Variants in TMEM272 observed in about 807,000 individuals in gnomAD.
TMEM272 encodes the protein transmembrane protein 272.
TMEM272 carries 8 observed loss-of-function variants against 3.7 expected under a neutral mutation model. The ratio of observed to expected loss-of-function variants is 2.17; its 90% CI spans 1.27 to 3.91. TMEM272 has a LOEUF of 3.91. TMEM272 is among the 30% of genes most tolerant of loss of function. The pLI is 0.00. For synonymous variants in TMEM272, 63 were observed against 39.8 expected (o/e 1.58, Z -2.20); for missense variants, 166 against 91.5 (o/e 1.81, Z -3.32).
chr13:51,922,290 C>A, the TMEM272 span, among the ~76,000 whole-genome samples: 1 of 152,230 alleles, frequency 6.6e-6, no homozygotes, highest in Admixed American at 6.5e-5. Context: ...ACTAGTGATT[C>A]CCAAATGCGC....
chr13:51,887,446 T>C, the TMEM272 span, among the ~76,000 whole-genome samples: 1 of 152,214 alleles, frequency 6.6e-6, no homozygotes, highest in African/African-American at 2.4e-5. Context: ...TTAGGATTTG[T>C]TAAAAATAAA....
At chr13:51,849,845 A>G (rs1372901991), upstream of TMEM272, among the ~76,000 whole-genome samples, 6 of 152,074 alleles carry the variant, frequency 3.9e-5, no homozygotes, top group African/African-American at 1.4e-4. Context: ...GCACAACGCC[A>G]CCTACTGGCG....
the TMEM272 span, among the ~76,000 whole-genome samples, chr13:51,889,644 T>TGGG: frequency 6.7e-6 from 1 of 149,578 alleles, no homozygotes; most frequent in African/African-American, 2.5e-5. Flanking sequence ...GTGGGGGGGT[T>TGGG]TTGTTTGTTT....
the TMEM272 span, among the ~76,000 whole-genome samples, chr13:51,917,749 T>C: frequency 6.6e-6 from 1 of 152,178 alleles, no homozygotes; most frequent in Non-Finnish European, 1.5e-5. Flanking sequence ...TGATGGGGCT[T>C]AAACGAGATG....
chr13:51,868,458 A>G, the TMEM272 span, among the ~76,000 whole-genome samples: 1 of 152,280 alleles, frequency 6.6e-6, no homozygotes, highest in East Asian at 1.9e-4. Context: ...TGTACAACTA[A>G]TATCTGGGAA....
intron 4 of TMEM272, 53 bp from the exon 5 acceptor site, chr13:51,817,166 G>C (rs2139543399): frequency 1.5e-6 from 1 of 670,380 alleles, no homozygotes; most frequent in South Asian, 1.6e-5. Flanking sequence ...AAATAGACGG[G>C]AAGAGAGGGG....
At chr13:51,857,390 T>C in the TMEM272 span, among the ~76,000 whole-genome samples, 1 of 151,862 alleles carries the variant, frequency 6.6e-6, no homozygotes, top group East Asian at 1.9e-4. Flanking sequence ...ATGAAGAGCA[T>C]GAAAAAAGGT....
chr13:51,817,465 C>T (rs998822320), intron 4 of TMEM272, among the ~76,000 whole-genome samples: 2 of 152,186 alleles, frequency 1.3e-5, no homozygotes, highest in African/African-American at 4.8e-5. Context: ...TGTGCTAGCA[C>T]ATTTGCACCC....
At chr13:51,828,225 T>C (rs994255388) in intron 2 of TMEM272, among the ~76,000 whole-genome samples, 3 of 152,228 alleles carry the variant, frequency 2.0e-5, no homozygotes, top group African/African-American at 7.2e-5. Context: ...TCTGTATTTA[T>C]ACAGAGCCCA....
chr13:51,849,886 G>T (rs934496319), upstream of TMEM272, among the ~76,000 whole-genome samples: 1 of 152,160 alleles, frequency 6.6e-6, no homozygotes, highest in Non-Finnish European at 1.5e-5. Context: ...ATCGCTTCCT[G>T]CCGTCTGTGG....
At chr13:51,819,326 C>A (rs896106096) in intron 4 of TMEM272, among the ~76,000 whole-genome samples, 10 of 152,326 alleles carry the variant, frequency 6.6e-5, no homozygotes, top group African/African-American at 2.2e-4. Context: ...CACCAGCTCG[C>A]TGTTTCCTCA....
the TMEM272 span, among the ~76,000 whole-genome samples, chr13:51,862,901 G>A: frequency 5.3e-5 from 8 of 152,164 alleles, no homozygotes; most frequent in East Asian, 3.8e-4. Flanking sequence ...CTATATAGGC[G>A]GCGTTATATT....
chr13:51,857,626 A>C, the TMEM272 span, among the ~76,000 whole-genome samples: 1 of 152,156 alleles, frequency 6.6e-6, no homozygotes, highest in Admixed American at 6.5e-5. Flanking sequence ...ATAATTGCTA[A>C]AAGAATATAT....
At chr13:51,925,670 G>A in the TMEM272 span, among the ~76,000 whole-genome samples, 158 of 152,158 alleles carry the variant, frequency 1.0e-3, no homozygotes, top group African/African-American at 3.7e-3. Flanking sequence ...TCCTCCCACA[G>A]CTTGCCAAGG....
the TMEM272 span, among the ~76,000 whole-genome samples, chr13:51,889,385 G>C: frequency 6.2e-3 from 949 of 152,240 alleles, 12 homozygotes; most frequent in African/African-American, 0.022. Context: ...GAGGTCATAA[G>C]GGTGAGACCC....
chr13:51,934,200 G>C, the TMEM272 span: 1 of 188,532 alleles, frequency 5.3e-6, no homozygotes, highest in Non-Finnish European at 1.1e-5. Context: ...GTTGCGAGGG[G>C]TCCCCACTGA....
At chr13:51,851,541 T>C in the TMEM272 span, among the ~76,000 whole-genome samples, 1 of 124,546 alleles carries the variant, frequency 8.0e-6, no homozygotes, top group East Asian at 2.5e-4. Flanking sequence ...TTTTTTTTTT[T>C]TGAGACGGAG....
At position 51,816,841 on chromosome 13, in the gene TMEM272, C is replaced by T. The variant is rs141298705; in HGVS notation, c.474G>A (p.Ala158=). 8 of 702,978 alleles carry T rather than the reference C, an allele frequency of 1.1e-5. No homozygotes were observed. Among genetic ancestry groups the T allele is most frequent in the African/African-American group, 3.5e-5 (2 of 57,356 alleles). 43.5% of individuals were successfully genotyped at this position (702,978 alleles called of 1,614,324 possible). ...GCAAGACCAGCACAGTGTGACTGAG[C>T]GCCAGGACTCCGACTGCAAAGAGGT... ...TLYLFAVGVL[A]LSHTVLVLLL... is the part of the protein sequence containing the mutation. The change falls in exon 5 of 5, where the codon GCG becomes GCA. Residue 158 remains alanine (A), a synonymous_variant. Coordinates refer to ENST00000629372, the MANE Select transcript of TMEM272 (RefSeq NM_001351003.2).
the TMEM272 span, among the ~76,000 whole-genome samples, chr13:51,892,796 C>A: frequency 5.3e-5 from 8 of 152,148 alleles, no homozygotes; most frequent in Non-Finnish European, 1.2e-4. Context: ...TCTGGTGGCT[C>A]AGTCCCCTCC....
Sources: allele counts gnomAD v4.1 joint callset (sites outside exome capture counted in the v4.1 genomes callset), GRCh38; gene constraint gnomAD v4.1.1; transcripts MANE v1.5; gene names NCBI Gene and HGNC (gene_info 2026-07-23, HGNC 2026-07-21).